The following C10orf90 variants were observed in gnomAD, a reference collection of about 807,000 sequenced individuals.
C10orf90 encodes chromosome 10 open reading frame 90.
In C10orf90, 56 loss-of-function variants were observed where a neutral mutation model predicts 62.5. The ratio of observed to expected loss-of-function variants is 0.90; its 90% CI spans 0.72 to 1.12. The LOEUF is 1.12. Among genes scored for constraint, C10orf90 ranks in the 50% most tolerant of loss-of-function variants. The probability of loss-of-function intolerance (pLI) is 0.00; values close to 1 mark genes in which losing one functional copy is unlikely to be tolerated. For synonymous variants in C10orf90, 386 were observed against 340.4 expected, an observed-to-expected ratio of 1.13 and a Z score of -1.47; for missense variants, 970 against 880.4, an observed-to-expected ratio of 1.10 and a Z score of -1.29.
intron 2 of C10orf90, among the ~76,000 whole-genome samples, chr10:126,645,912 G>T (rs1846161649): frequency 6.6e-6 from 1 of 152,158 alleles, no homozygotes; most frequent in Non-Finnish European, 1.5e-5. Context: ...TGAGGATTAA[G>T]AAATAAAATT....
At chr10:126,640,528 G>A (rs1037569964) in intron 2 of C10orf90, among the ~76,000 whole-genome samples, 2 of 152,218 alleles carry the variant, frequency 1.3e-5, no homozygotes, top group African/African-American at 4.8e-5. Context: ...CCTACACTCA[G>A]AGCCCACGGT....
At chr10:126,536,882 A>C (rs1265926771) in intron 2 of C10orf90, among the ~76,000 whole-genome samples, 3 of 152,184 alleles carry the variant, frequency 2.0e-5, no homozygotes, top group East Asian at 1.9e-4. Context: ...GGATTGGGTA[A>C]GTCAACCACC....
intron 2 of C10orf90, among the ~76,000 whole-genome samples, chr10:126,514,940 G>T (rs1238671614): frequency 6.6e-6 from 1 of 152,218 alleles, no homozygotes; most frequent in African/African-American, 2.4e-5. Context: ...CTCTGCAATG[G>T]AAATACTCTA....
At chr10:126,474,908 A>C (rs1012761457) in intron 4 of C10orf90, among the ~76,000 whole-genome samples, 3 of 152,190 alleles carry the variant, frequency 2.0e-5, no homozygotes, top group Non-Finnish European at 2.9e-5. Context: ...TCTGTCAGCA[A>C]GTAAGCCAAG....
chr10:126,555,228 T>C (rs1864734071), intron 2 of C10orf90, among the ~76,000 whole-genome samples: 1 of 152,154 alleles, frequency 6.6e-6, no homozygotes, highest in Admixed American at 6.5e-5. Flanking sequence ...CTTGAATGTT[T>C]ATGGGATAAA....
At chr10:126,445,450 A>G (rs1001636857) in intron 7 of C10orf90, among the ~76,000 whole-genome samples, 6 of 152,208 alleles carry the variant, frequency 3.9e-5, no homozygotes, top group Admixed American at 2.0e-4. Context: ...AATGCAAATA[A>G]AAACCACAAT....
At chr10:126,578,232 A>G (rs1844665542) in intron 2 of C10orf90, among the ~76,000 whole-genome samples, 1 of 152,230 alleles carries the variant, frequency 6.6e-6, no homozygotes, top group African/African-American at 2.4e-5. Flanking sequence ...TTTATAGTAC[A>G]TATATCTAAC....
chr10:126,478,666 C>A (rs1270215545), intron 4 of C10orf90, among the ~76,000 whole-genome samples: 1 of 151,992 alleles, frequency 6.6e-6, no homozygotes, highest in African/African-American at 2.4e-5. Flanking sequence ...AAGATTGATG[C>A]GAGTTAGGGG....
intron 2 of C10orf90, among the ~76,000 whole-genome samples, chr10:126,611,647 A>G (rs1282343945): frequency 6.6e-6 from 1 of 152,200 alleles, no homozygotes; most frequent in Admixed American, 6.5e-5. Context: ...CTTGTCAGCA[A>G]ATATTATTAT....
intron 2 of C10orf90, among the ~76,000 whole-genome samples, chr10:126,637,634 C>A (rs536561411): frequency 3.7e-4 from 56 of 152,290 alleles, no homozygotes; most frequent in South Asian, 1.0e-3. Context: ...GGCTACAGGT[C>A]AGGTCGGTGA....
At chr10:126,601,334 T>C (rs964722580) in intron 2 of C10orf90, among the ~76,000 whole-genome samples, 1 of 152,224 alleles carries the variant, frequency 6.6e-6, no homozygotes, top group African/African-American at 2.4e-5. Flanking sequence ...AAGTAGATTG[T>C]AACTGCTCTT....
intron 2 of C10orf90, among the ~76,000 whole-genome samples, chr10:126,554,382 T>A (rs1057508588): frequency 4.6e-5 from 7 of 152,126 alleles, no homozygotes; most frequent in Admixed American, 1.3e-4. Flanking sequence ...ATAGTAGTTA[T>A]GGATGAGGAA....
intron 2 of C10orf90, among the ~76,000 whole-genome samples, chr10:126,565,171 C>CATATTATGTAATATAATATTTATATTAT (rs1844323690): frequency 1.6e-5 from 1 of 61,312 alleles, no homozygotes; most frequent in Non-Finnish European, 2.8e-5. Flanking sequence ...ATTTATATTA[C>CATATTATGTAATATAATATTTATATTAT]ATATTATGTA....
At chr10:126,622,523 A>T (rs995689328) in intron 2 of C10orf90, among the ~76,000 whole-genome samples, 1 of 152,220 alleles carries the variant, frequency 6.6e-6, no homozygotes, top group Non-Finnish European at 1.5e-5. Context: ...TACCACTGCT[A>T]ACGGGTAGAG....
At chr10:126,608,363 C>T (rs1845360006) in intron 2 of C10orf90, among the ~76,000 whole-genome samples, 1 of 152,218 alleles carries the variant, frequency 6.6e-6, no homozygotes, top group South Asian at 2.1e-4. Context: ...CTTCCCTCCT[C>T]AGCCTCCCAA....
intron 7 of C10orf90, among the ~76,000 whole-genome samples, chr10:126,442,773 C>A (rs1311420259): frequency 2.0e-5 from 3 of 148,128 alleles, no homozygotes; most frequent in Non-Finnish European, 3.0e-5. Flanking sequence ...CAAAACAAAC[C>A]TCAATAAATT....
chr10:126,570,532 G>T (rs753527008), intron 2 of C10orf90, among the ~76,000 whole-genome samples: 1 of 152,124 alleles, frequency 6.6e-6, no homozygotes, highest in Non-Finnish European at 1.5e-5. Context: ...GACCCTACAG[G>T]GTTCGTAATG....
intron 2 of C10orf90, among the ~76,000 whole-genome samples, chr10:126,539,992 CAGTT>C (rs1864336313): frequency 6.6e-6 from 1 of 152,136 alleles, no homozygotes; most frequent in Admixed American, 6.5e-5. Context: ...AACTGAAAAG[CAGTT>C]AGAACTACTA....
chr10:126,500,181 G>T (rs1862292388), intron 4 of C10orf90, among the ~76,000 whole-genome samples: 1 of 152,158 alleles, frequency 6.6e-6, no homozygotes, highest in Non-Finnish European at 1.5e-5. Context: ...CCAAATACCA[G>T]TATTACTCCA....
Sources: gnomAD v4.1 joint callset for allele counts (sites outside exome capture counted in the v4.1 genomes callset) on GRCh38, gnomAD v4.1.1 for gene constraint, MANE v1.5 for transcripts, NCBI Gene and HGNC (gene_info 2026-07-23, HGNC 2026-07-21) for gene names.